The following MLST8 variants were observed in gnomAD, a reference collection of about 807,000 sequenced individuals.
MLST8 encodes the protein MTOR associated protein MLST8, also known as target of rapamycin complex subunit LST8.
MLST8 carries 20 observed loss-of-function variants against 41.3 expected under a neutral mutation model. That is an observed-to-expected ratio of 0.48 (90% CI 0.34 to 0.70). The LOEUF (loss-of-function observed/expected upper bound fraction) is 0.70, where lower values mean the gene tolerates loss of function less well. Among genes scored for constraint, MLST8 ranks in the 30% least tolerant of loss-of-function variants. MLST8 has a pLI of 0.01. For missense variants in MLST8, 422 were observed against 454.3 expected, an observed-to-expected ratio of 0.93 and a Z score of 0.65; for synonymous variants, 243 against 183.0, an observed-to-expected ratio of 1.33 and a Z score of -2.65.
chr16:2,205,663 A>G (rs2093266414), intron 1 of MLST8, 151 bp downstream of exon 1: 2 of 987,920 alleles, frequency 2.0e-6, no homozygotes, highest in Non-Finnish European at 2.4e-6. Context: ...CTTTCCCATC[A>G]GGGCCTGCCG....
chr16:2,209,359 G>C lies in MLST8; in HGVS notation c.*482G>C, dbSNP rs1347989218. ...ACGGGCCAGGCTGGGCCAGGTCGGG[G>C]GCTCAGTCTGGGAGGTAATAAAAGC... is the stretch of plus-strand genomic sequence containing the variant. On this transcript the variant is annotated 3_prime_UTR_variant, in exon 9 of 9. Transcript: ENST00000569417. 6.2e-7 allele frequency: 1 copy of C among 1,609,202 alleles called. No individual in the cohort carries two copies. Among genetic ancestry groups the C allele is most frequent in the Non-Finnish European group, 8.5e-7 (1 of 1,176,346 alleles).
At chr16:2,208,054 C>CA in intron 6 of MLST8, 156 bp from the exon 7 acceptor site, 1 of 803,662 alleles carries the variant, frequency 1.2e-6, no homozygotes, top group South Asian at 2.1e-5. Context: ...CCAGGCTTCC[C>CA]AGGTGCCTTC....
chr16:2,206,562 G>A lies in MLST8; in HGVS notation c.247G>A (p.Gly83Ser), dbSNP rs2093294101. 1.2e-6 allele frequency: 2 copies of A among 1,613,914 alleles called. No homozygotes were observed. The highest frequency in any genetic ancestry group is 1.7e-5 in the Admixed American group (1 of 59,986). ...NNPNPIISYDGVNKNIASVGF... is the reference protein window; with the variant it reads ...NNPNPIISYDSVNKNIASVGF... ...CCCTAACCCCATCATCAGCTACGAC[G>A]GCGTCAACAAGAACATCGCGTCTGT... The change falls in exon 4 of 9, where the codon GGC becomes AGC. Residue 83 changes from glycine to serine, a missense_variant. Physicochemically the swap from Gly to Ser is moderately conservative, Grantham distance 56 (BLOSUM62 0). Transcript: ENST00000569417.
At position 2,208,457 on chromosome 16, in the gene MLST8, G is replaced by A. The variant is rs1313576548; in HGVS notation, c.706G>A (p.Ala236Thr). ...CRFSPDSTLL[A>T]TCSADQTCKI... is the part of the protein sequence containing the mutation. Reference sequence around the variant, plus strand: ...CCCATGCCCACCCACTAGGCTCCTCGCCACCTGCTCGGCTGATCAGACGTG... The same window carrying A: ...CCCATGCCCACCCACTAGGCTCCTCACCACCTGCTCGGCTGATCAGACGTG... Residue 236 changes from alanine (A) to threonine (T), a missense_variant, in exon 8 of 9, where the codon GCC (alanine) becomes ACC (threonine). Coordinates refer to ENST00000569417, the MANE Select transcript of MLST8 (RefSeq NM_022372.6). 7 of 1,612,502 alleles carry A rather than the reference G, an allele frequency of 4.3e-6. No homozygotes were observed. Among genetic ancestry groups the A allele is most frequent in the Non-Finnish European group, 5.9e-6 (7 of 1,179,740 alleles).
Position 2,208,959 on chromosome 16 carries a change from C to A in MLST8, c.*82C>A. ...AGCACCCAGGTCAGAGCAGACCCTC[C>A]CCTGCCGGCCTGCGCCAGCTGGACC... On this transcript the variant is annotated 3_prime_UTR_variant, in exon 9 of 9. Coordinates refer to ENST00000569417, the MANE Select transcript of MLST8 (RefSeq NM_022372.6). The A allele has an allele frequency of 6.8e-7, 1 of 1,477,138 alleles. No homozygotes were observed. Among genetic ancestry groups the A allele is most frequent in the Non-Finnish European group, 9.3e-7 (1 of 1,070,990 alleles). The allele number at this position is 1,477,138 out of a possible 1,614,324, so 91.5% of individuals were successfully genotyped here. A position where few individuals can be genotyped will look rare whatever the true frequency, so the allele number is the denominator to read the frequency against.
At chr16:2,206,002 T>C (rs2093278867) in intron 1 of MLST8, 29 bp from the exon 2 acceptor site, 1 of 1,511,174 alleles carries the variant, frequency 6.6e-7, no homozygotes, top group Admixed American at 2.2e-5. Context: ...AGAGAGTGTC[T>C]TCTAAGTACT....
In MLST8 at chr16:2,206,134, A is replaced by C. The variant is rs368301565; in HGVS notation, c.49A>C (p.Thr17Pro). 4.3e-6 allele frequency: 7 copies of C among 1,611,410 alleles called. No homozygotes were observed. The highest frequency in any genetic ancestry group is 5.9e-6 in the Non-Finnish European group (7 of 1,178,890). The part of the protein sequence containing the change: ...TVGSDPVILA[T>P]AGYDHTVRFW... ...GGGCAGTGACCCGGTCATCCTGGCCACTGCAGGCTACGACCACACCGTGCG... is the reference window on the plus strand; with the variant it reads ...GGGCAGTGACCCGGTCATCCTGGCCCCTGCAGGCTACGACCACACCGTGCG... The change falls in exon 2 of 9, where the codon ACT (threonine) becomes CCT (proline). Residue 17 changes from threonine to proline, a missense_variant. By Grantham distance (38) the Thr-to-Pro change is conservative. Transcript: ENST00000569417.
Position 2,208,883 on chromosome 16 carries a change from G to A in MLST8, c.*6G>A, listed in dbSNP as rs763470865. On this transcript the variant is annotated 3_prime_UTR_variant, in exon 9 of 9. Coordinates refer to ENST00000569417, the MANE Select transcript of MLST8 (RefSeq NM_022372.6). ...ATGACAGTGTGCTGGGCTAGCCTGT[G>A]ACCCCTCGGGACTGCCTGGTGCAGG... 12 of 1,612,460 alleles carry A rather than the reference G, an allele frequency of 7.4e-6. No individual in the cohort carries two copies. Among genetic ancestry groups the A allele is most frequent in the Non-Finnish European group, 1.0e-5 (12 of 1,179,798 alleles).
In MLST8 at chr16:2,206,072, G is replaced by T; in HGVS notation, c.-14G>T. 2 of 1,585,940 alleles carry T rather than the reference G, an allele frequency of 1.3e-6. No individual in the cohort carries two copies. The highest frequency in any genetic ancestry group is 2.3e-5 in the East Asian group (1 of 44,412). On this transcript the variant is annotated 5_prime_UTR_variant, in exon 2 of 9. Transcript: ENST00000569417. ...CCCCTGCCGTTCAGCTCTAGGGCCC[G>T]TGCAGGCCACACCATGAACACCTCC...
chr16:2,208,391 G>T (rs1033711004), intron 7 of MLST8, 57 bp downstream of exon 7: 11 of 1,607,856 alleles, frequency 6.8e-6, no homozygotes, highest in South Asian at 1.1e-5. Context: ...GGGCTGGAGA[G>T]GGGAGGGGCT....
rs772583788 is a variant in MLST8, at chr16:2,209,372, A to T, written c.*495A>T. 25 of 1,612,404 alleles carry T rather than the reference A, an allele frequency of 1.6e-5. No individual in the cohort carries two copies. The Admixed American group carries it at 4.2e-4, about 27-fold the overall frequency. ...GGCCAGGTCGGGGGCTCAGTCTGGG[A>T]GGTAATAAAAGCAGACCGACACGCA... On this transcript the variant is annotated 3_prime_UTR_variant, in exon 9 of 9. Transcript: ENST00000569417.
rs1414201578 is a variant in MLST8 at position 2,207,527 on chromosome 16, G to A, written c.573+182G>A. Reference sequence around the variant, plus strand: ...GTGTCGCTCCCGATGGCTTAGTCCTGTCTGCAGGTCGGTCACTCCGCTTTC... The same window carrying A: ...GTGTCGCTCCCGATGGCTTAGTCCTATCTGCAGGTCGGTCACTCCGCTTTC... On this transcript the variant is annotated intron_variant, in intron 6 of 8. Transcript: ENST00000569417. The A allele has an allele frequency of 5.8e-6, 4 of 689,294 alleles. No individual in the cohort carries two copies. The East Asian group carries it at 8.3e-5, about 14-fold the overall frequency. The allele number at this position is 689,294 out of a possible 1,614,324, so 42.7% of individuals were successfully genotyped here.
At chr16:2,207,411 G>A in intron 6 of MLST8, 66 bp downstream of exon 6, 1 of 1,568,942 alleles carries the variant, frequency 6.4e-7, no homozygotes, top group Non-Finnish European at 8.7e-7. Context: ...TCTGCAGGTG[G>A]GCTTATTCCT....
chr16:2,205,887 G>A (rs528876981), intron 1 of MLST8, 144 bp from the exon 2 acceptor site: 2 of 1,394,336 alleles, frequency 1.4e-6, no homozygotes, highest in Non-Finnish European at 9.4e-7. Flanking sequence ...TATCACGCGT[G>A]TGACGCGTGT....
chr16:2,206,269 A>T (rs1336031708), intron 2 of MLST8, 55 bp downstream of exon 2: 3 of 1,603,188 alleles, frequency 1.9e-6, no homozygotes, highest in Non-Finnish European at 1.7e-6. Context: ...TCGTGTGGGG[A>T]CCACAGCCTG....
At position 2,206,742 on chromosome 16, in the gene MLST8, G is replaced by A. The variant is rs1199874865; in HGVS notation, c.344+83G>A. On this transcript the variant is annotated intron_variant, in intron 4 of 8. Transcript: ENST00000569417. ...TTTTAGGTTGGGTTCTCTTCAAGCAGAGGCTGAGACAGGGAGCTTCCTGTG... is the reference window on the plus strand; with the variant it reads ...TTTTAGGTTGGGTTCTCTTCAAGCAAAGGCTGAGACAGGGAGCTTCCTGTG... 5 of 1,508,654 alleles carry A rather than the reference G, an allele frequency of 3.3e-6. No homozygotes were observed. The African/African-American group carries it at 6.8e-5, about 21-fold the overall frequency. 93.5% of individuals were successfully genotyped at this position (1,508,654 alleles called of 1,614,324 possible).
chr16:2,207,826 AT>A (rs1020091392), intron 6 of MLST8: 17 of 220,152 alleles, frequency 7.7e-5, no homozygotes, highest in South Asian at 2.9e-4. Context: ...CTCCAGCCTC[AT>A]TTTTTTTCAT....
At chr16:2,208,020 G>T in intron 6 of MLST8, 190 bp from the exon 7 acceptor site, 1 of 551,692 alleles carries the variant, frequency 1.8e-6, no homozygotes. Context: ...TTCTTGGCTT[G>T]CCAGGTGTGG....
rs943265126 is a variant in MLST8, at chr16:2,208,986, G to C, written c.*109G>C. ...CTGCCGGCCTGCGCCAGCTGGACCTGATGGCCCCCTGTGGCGCCTTGACCT... is the reference window on the plus strand; with the variant it reads ...CTGCCGGCCTGCGCCAGCTGGACCTCATGGCCCCCTGTGGCGCCTTGACCT... On this transcript the variant is annotated 3_prime_UTR_variant, in exon 9 of 9. Transcript: ENST00000569417. 12 of 1,247,870 alleles carry C rather than the reference G, an allele frequency of 9.6e-6. No homozygotes were observed. Among genetic ancestry groups the C allele is most frequent in the African/African-American group, 7.4e-5 (5 of 67,920 alleles). The allele number at this position is 1,247,870 out of a possible 1,614,324, so 77.3% of individuals were successfully genotyped here. A position where few individuals can be genotyped will look rare whatever the true frequency, so the allele number is the denominator to read the frequency against.
Sources: gnomAD v4.1 joint callset for allele counts on GRCh38, gnomAD v4.1.1 for gene constraint, MANE v1.5 for transcripts, NCBI Gene and HGNC (gene_info 2026-07-23, HGNC 2026-07-21) for gene names.